JMJD1C: variants seen among roughly 807,000 people sequenced by gnomAD.
JMJD1C encodes the protein jumonji domain-containing protein 1C.
A neutral mutation model predicts 245.3 loss-of-function variants in JMJD1C; 31 were observed. The observed-to-expected ratio is 0.13, with a 90% CI of 0.09 to 0.17. The LOEUF (loss-of-function observed/expected upper bound fraction) is 0.17. Ranked by LOEUF, JMJD1C falls within the 10% of genes least tolerant of loss-of-function variation. The pLI, the probability that JMJD1C is intolerant of heterozygous loss-of-function variation, is 1.00. For synonymous variants in JMJD1C, 1,057 were observed against 1,017.4 expected (o/e 1.04, Z -0.74); for missense variants, 2,691 against 3,000.2 (o/e 0.90, Z 2.41).
At chr10:63,462,051 C>CCAAGACAAAACT (rs1441882027) in intron 1 of JMJD1C, among the ~76,000 whole-genome samples, 6 of 151,854 alleles carry the variant, frequency 4.0e-5, no homozygotes, top group Admixed American at 2.0e-4. Flanking sequence ...AAAATGTATC[C>CCAAGACAAAACT]CAAGACAAAA....
chr10:63,234,594 T>G (rs987171357), intron 3 of JMJD1C, among the ~76,000 whole-genome samples: 1 of 151,074 alleles, frequency 6.6e-6, no homozygotes, highest in Non-Finnish European at 1.5e-5. Context: ...ATTTTTAGAT[T>G]TGCTAAAAAT....
chr10:63,477,724 A>T (rs1011572211), intron 1 of JMJD1C, among the ~76,000 whole-genome samples: 1 of 152,144 alleles, frequency 6.6e-6, no homozygotes, highest in South Asian at 2.1e-4. Context: ...TCTCACCTGC[A>T]ACACCAAAAG....
intron 3 of JMJD1C, among the ~76,000 whole-genome samples, chr10:63,245,723 TCCTCCTG>T (rs1287672529): frequency 1.3e-5 from 2 of 152,300 alleles, no homozygotes; most frequent in Non-Finnish European, 2.9e-5. Context: ...CCTCAGGTGA[TCCTCCTG>T]CCTTGGCCTC....
rs772541864 is a variant in JMJD1C, at chr10:63,366,919, C to T, written c.333+13399G>A. ...CAGAAACGCAAATCCTAATGCTGGG[C>T]CAAGCCTGGTTTTTGGCCAGATCCA... On this transcript the variant is annotated intron_variant, in intron 2 of 25. Transcript: ENST00000399262. 3.9e-5 allele frequency among the ~76,000 whole-genome samples: 6 copies of T among 152,272 alleles called. No individual in the cohort carries two copies. The East Asian group carries it at 1.2e-3, about 29-fold the overall frequency.
At chr10:63,375,092 T>C (rs974057208) in intron 2 of JMJD1C, among the ~76,000 whole-genome samples, 2 of 152,142 alleles carry the variant, frequency 1.3e-5, no homozygotes, top group Non-Finnish European at 2.9e-5. Context: ...CTTGTCTTAT[T>C]CTTGATCTTA....
intron 2 of JMJD1C, among the ~76,000 whole-genome samples, chr10:63,281,191 G>A (rs1372840718): frequency 6.8e-6 from 1 of 146,864 alleles, no homozygotes; most frequent in Non-Finnish European, 1.5e-5. Context: ...CTGAAGTGCA[G>A]TGGCACGATC....
intron 18 of JMJD1C, among the ~76,000 whole-genome samples, chr10:63,187,308 C>G (rs773616913): frequency 7.9e-5 from 12 of 152,126 alleles, no homozygotes; most frequent in Non-Finnish European, 1.5e-4. Context: ...TGCCTAGTAT[C>G]TATCCAATAA....
chr10:63,301,590 A>T (rs549305531), intron 2 of JMJD1C, among the ~76,000 whole-genome samples: 1 of 152,184 alleles, frequency 6.6e-6, no homozygotes, highest in African/African-American at 2.4e-5. Context: ...GTTTTCACTC[A>T]TAAGTGGGAG....
chr10:63,284,087 G>A (rs925216484), intron 2 of JMJD1C, among the ~76,000 whole-genome samples: 7 of 151,676 alleles, frequency 4.6e-5, no homozygotes, highest in African/African-American at 7.3e-5. Context: ...GTGCAGTGGC[G>A]CAATCTTGGC....
chr10:63,519,497 CA>C lies in JMJD1C; in HGVS notation n.113+2240del, dbSNP rs1346985360. On this transcript the variant is annotated intron_variant and non_coding_transcript_variant, in intron 1 of 3. Coordinates refer to the JMJD1C transcript ENST00000633035. ...TCTGAGGCTAGATAGTTGGAAAACACAAAGAAATCTAATACACCATGTCTGT... is the reference window on the plus strand; with the variant it reads ...TCTGAGGCTAGATAGTTGGAAAACACAAGAAATCTAATACACCATGTCTGT... Among the ~76,000 whole-genome samples the C allele has an allele frequency of 4.6e-5, 7 of 152,218 alleles. No homozygotes were observed. The South Asian group carries it at 1.0e-3, about 23-fold the overall frequency.
intron 1 of JMJD1C, among the ~76,000 whole-genome samples, chr10:63,407,060 T>C (rs1949214036): frequency 6.6e-6 from 1 of 152,068 alleles, no homozygotes; most frequent in South Asian, 2.1e-4. Flanking sequence ...ATATGCTAAA[T>C]TACCAAAGAT....
At chr10:63,217,372 A>G in intron 4 of JMJD1C, 41 bp from the exon 5 acceptor site, 1 of 1,492,096 alleles carries the variant, frequency 6.7e-7, no homozygotes, top group African/African-American at 1.4e-5. Context: ...TTAAATGGAG[A>G]CATCTTCATT....
intron 1 of JMJD1C, among the ~76,000 whole-genome samples, chr10:63,402,908 C>T (rs1249711313): frequency 6.6e-6 from 1 of 152,170 alleles, no homozygotes; most frequent in African/African-American, 2.4e-5. Flanking sequence ...GATCTGGTTT[C>T]TGCAGACTCC....
At chr10:63,427,709 G>A in intron 1 of JMJD1C, 2 of 1,323,340 alleles carry the variant, frequency 1.5e-6, no homozygotes, top group Non-Finnish European at 2.2e-6. Flanking sequence ...AGCTTATTTG[G>A]TGTCTCCAGA....
chr10:63,402,651 T>G (rs1948937214), intron 1 of JMJD1C, among the ~76,000 whole-genome samples: 1 of 152,214 alleles, frequency 6.6e-6, no homozygotes. Context: ...AGCTTTAAGC[T>G]AGGAAGAGTC....
intron 1 of JMJD1C, among the ~76,000 whole-genome samples, chr10:63,415,450 T>C (rs1949745726): frequency 6.6e-6 from 1 of 152,206 alleles, no homozygotes. Flanking sequence ...ACTTGTAATA[T>C]AACTGGTATT....
chr10:63,495,022 C>G (rs1954310937), intron 1 of JMJD1C, among the ~76,000 whole-genome samples: 1 of 152,152 alleles, frequency 6.6e-6, no homozygotes, highest in African/African-American at 2.4e-5. Flanking sequence ...ATTTATAATG[C>G]TGTACTTTAA....
At chr10:63,221,303 G>A (rs949535651) in intron 3 of JMJD1C, among the ~76,000 whole-genome samples, 3 of 152,112 alleles carry the variant, frequency 2.0e-5, no homozygotes, top group African/African-American at 7.2e-5. Context: ...GTCTATCCAG[G>A]TAAAGTGTTT....
intron 2 of JMJD1C, among the ~76,000 whole-genome samples, chr10:63,313,785 T>C (rs1413885066): frequency 2.6e-5 from 4 of 152,222 alleles, no homozygotes; most frequent in Admixed American, 2.6e-4. Context: ...CACTTTTTGA[T>C]GGGACTGTTG....
Sources: gnomAD v4.1 joint callset for allele counts (sites outside exome capture counted in the v4.1 genomes callset) on GRCh38, gnomAD v4.1.1 for gene constraint, MANE v1.5 for transcripts, NCBI Gene and HGNC (gene_info 2026-07-23, HGNC 2026-07-21) for gene names.